Variants in NEXMIF observed in about 807,000 individuals in gnomAD.
NEXMIF encodes neurite extension and migration factor, also known as XLMR protein related to neurite extension.
NEXMIF carries 8 observed loss-of-function variants against 62.1 expected under a neutral mutation model. That is an observed-to-expected ratio of 0.13 (90% CI 0.08 to 0.23). NEXMIF has a LOEUF of 0.23. Ranked by LOEUF, NEXMIF falls within the 10% of genes least tolerant of loss-of-function variation. The probability of loss-of-function intolerance (pLI) is 1.00; values close to 1 mark genes in which losing one functional copy is unlikely to be tolerated. For synonymous variants in NEXMIF, 404 were observed against 416.6 expected, an observed-to-expected ratio of 0.97 and a Z score of 0.37; for missense variants, 976 against 1,113.3, an observed-to-expected ratio of 0.88 and a Z score of 1.75.
intron 1 of NEXMIF, among the ~76,000 whole-genome samples, chrX:74,896,296 C>T (rs2080732803): frequency 9.0e-6 from 1 of 111,645 alleles, no homozygotes; most frequent in South Asian, 3.7e-4. Context: ...TACCATACTT[C>T]CCCTTCCTCA....
At chrX:74,783,892 C>G (rs1045870112) in intron 1 of NEXMIF, among the ~76,000 whole-genome samples, 1 of 111,244 alleles carries the variant, frequency 9.0e-6, no homozygotes, top group African/African-American at 3.3e-5. Context: ...TACAGGCTAC[C>G]CTTGGCAAAT....
At chrX:74,763,404 G>A (rs1392591628) in intron 1 of NEXMIF, among the ~76,000 whole-genome samples, 1 of 111,861 alleles carries the variant, frequency 8.9e-6, no homozygotes, top group East Asian at 2.8e-4. Flanking sequence ...GTAGTGTGAT[G>A]CCTCCAGCTT....
chrX:74,850,315 C>T (rs1056369913), intron 1 of NEXMIF, among the ~76,000 whole-genome samples: 7 of 112,111 alleles, frequency 6.2e-5, no homozygotes, highest in African/African-American at 2.3e-4. Flanking sequence ...AGTTGTTCTG[C>T]CACTGCTACT....
intron 1 of NEXMIF, among the ~76,000 whole-genome samples, chrX:74,881,307 C>T (rs185731474): frequency 9.1e-6 from 1 of 109,594 alleles, no homozygotes; most frequent in East Asian, 2.9e-4. Flanking sequence ...TTCTTCATAG[C>T]ACAGTGATAC....
At chrX:74,837,287 A>G (rs1010038654) in intron 1 of NEXMIF, among the ~76,000 whole-genome samples, 6 of 111,559 alleles carry the variant, frequency 5.4e-5, no homozygotes, top group African/African-American at 2.0e-4. Flanking sequence ...TTTTTTTGTG[A>G]CAGTGCTTTC....
intron 1 of NEXMIF, among the ~76,000 whole-genome samples, chrX:74,885,422 G>A (rs2080687697): frequency 9.0e-6 from 1 of 110,976 alleles, no homozygotes; most frequent in African/African-American, 3.3e-5. Context: ...AGAAGAAAAG[G>A]GAGAAGAATC....
intron 1 of NEXMIF, among the ~76,000 whole-genome samples, chrX:74,761,474 A>G (rs2080175724): frequency 9.0e-6 from 1 of 111,311 alleles, no homozygotes; most frequent in Non-Finnish European, 1.9e-5. Flanking sequence ...CCAGGAATTT[A>G]TCCATCTCTT....
At chrX:74,848,311 G>A (rs992194827) in intron 1 of NEXMIF, among the ~76,000 whole-genome samples, 11 of 112,656 alleles carry the variant, frequency 9.8e-5, no homozygotes, top group African/African-American at 3.5e-4. Flanking sequence ...TATTGAACCT[G>A]TATTTGAATT....
At chrX:74,850,298 G>A (rs752589233) in intron 1 of NEXMIF, among the ~76,000 whole-genome samples, 6 of 111,893 alleles carry the variant, frequency 5.4e-5, no homozygotes, top group Non-Finnish European at 9.4e-5. Flanking sequence ...CCATTTTGGG[G>A]CCAAAGAGTT....
At chrX:74,874,061 C>A (rs1267327872) in intron 1 of NEXMIF, among the ~76,000 whole-genome samples, 1 of 108,668 alleles carries the variant, frequency 9.2e-6, no homozygotes, top group African/African-American at 3.4e-5. Flanking sequence ...ACATGAAGTC[C>A]TTGCCCATGC....
At chrX:74,750,652 A>G (rs1490109534) in intron 1 of NEXMIF, among the ~76,000 whole-genome samples, 2 of 111,872 alleles carry the variant, frequency 1.8e-5, no homozygotes, top group African/African-American at 6.5e-5. Flanking sequence ...TGGATGGCAG[A>G]ATCAGCAACA....
chrX:74,768,314 T>A (rs1347006593), intron 1 of NEXMIF, among the ~76,000 whole-genome samples: 2 of 112,093 alleles, frequency 1.8e-5, no homozygotes, highest in African/African-American at 6.5e-5. Flanking sequence ...ATTGTTTCCC[T>A]GATAAATCCC....
chrX:74,876,637 T>G (rs1339467730), intron 1 of NEXMIF, among the ~76,000 whole-genome samples: 2 of 101,339 alleles, frequency 2.0e-5, no homozygotes, highest in East Asian at 3.1e-4. Flanking sequence ...AGTCTCTTTG[T>G]AGGTCACTCA....
At chrX:74,920,096 G>T (rs1402763368) in intron 1 of NEXMIF, among the ~76,000 whole-genome samples, 2 of 111,854 alleles carry the variant, frequency 1.8e-5, no homozygotes, top group African/African-American at 6.5e-5. Flanking sequence ...ATGTGTGCAT[G>T]TGTCTTTATA....
chrX:74,755,457 C>A (rs2080156551), intron 1 of NEXMIF, among the ~76,000 whole-genome samples: 2 of 111,144 alleles, frequency 1.8e-5, no homozygotes, highest in Admixed American at 1.9e-4. Context: ...TCAAAATATT[C>A]TCCTAGCCTT....
intron 1 of NEXMIF, among the ~76,000 whole-genome samples, chrX:74,856,600 A>G (rs1048105228): frequency 1.8e-5 from 2 of 111,573 alleles, no homozygotes; most frequent in Non-Finnish European, 3.8e-5. Flanking sequence ...GCAGAGCAAG[A>G]TGGCTGAATA....
intron 1 of NEXMIF, among the ~76,000 whole-genome samples, chrX:74,848,291 A>T (rs1016104544): frequency 8.9e-6 from 1 of 112,846 alleles, no homozygotes; most frequent in African/African-American, 3.2e-5. Flanking sequence ...CAAGGAAGCC[A>T]GATGGTTAAT....
chrX:74,770,991 C>T (rs778407147), intron 1 of NEXMIF, among the ~76,000 whole-genome samples: 3 of 111,876 alleles, frequency 2.7e-5, no homozygotes, highest in Non-Finnish European at 3.8e-5. Flanking sequence ...CTGTTTTTAG[C>T]CTAGCAATGC....
intron 1 of NEXMIF, among the ~76,000 whole-genome samples, chrX:74,833,441 T>A (rs1453344204): frequency 8.9e-6 from 1 of 111,996 alleles, no homozygotes; most frequent in African/African-American, 3.2e-5. Context: ...TCTTTTTTCA[T>A]CCCTTTATTT....
Sources: gnomAD v4.1 joint callset for allele counts (sites outside exome capture counted in the v4.1 genomes callset) on GRCh38, gnomAD v4.1.1 for gene constraint, MANE v1.5 for transcripts, NCBI Gene and HGNC (gene_info 2026-07-23, HGNC 2026-07-21) for gene names.